The following TBX1 variants were observed in gnomAD, a reference collection of about 807,000 sequenced individuals.
TBX1 encodes T-box transcription factor TBX1.
Under a neutral mutation model 40.8 loss-of-function variants are expected in TBX1, and 16 were observed. The ratio of observed to expected loss-of-function variants is 0.39; its 90% confidence interval spans 0.27 to 0.60. The LOEUF (loss-of-function observed/expected upper bound fraction) is 0.60, where lower values mean the gene tolerates loss of function less well. Among genes scored for constraint, TBX1 ranks in the 20% least tolerant of loss-of-function variants. TBX1 has a pLI of 0.51. For synonymous variants in TBX1, 403 were observed against 336.8 expected (o/e 1.20, Z -2.15); for missense variants, 755 against 728.5 (o/e 1.04, Z -0.42).
downstream of TBX1, among the ~76,000 whole-genome samples, chr22:19,780,999 G>A (rs940924207): frequency 6.6e-6 from 1 of 151,960 alleles, no homozygotes; most frequent in Admixed American, 6.6e-5. Context: ...AGCCAGGATG[G>A]TCTCGATCTC....
chr22:19,757,532 A>G (rs1265732711), upstream of TBX1, among the ~76,000 whole-genome samples: 1 of 152,194 alleles, frequency 6.6e-6, no homozygotes, highest in African/African-American at 2.4e-5. Flanking sequence ...AAGCTTGGGC[A>G]TACCCTCAGG....
At chr22:19,759,702 C>T, upstream of TBX1, 1 of 1,610,924 alleles carries the variant, frequency 6.2e-7, no homozygotes, top group South Asian at 1.1e-5. Context: ...CGTGTCTACA[C>T]TGGCCCGCCC....
chr22:19,759,066 G>A (rs537689236), upstream of TBX1, among the ~76,000 whole-genome samples: 1 of 152,114 alleles, frequency 6.6e-6, no homozygotes, highest in Non-Finnish European at 1.5e-5. Context: ...GCAGCCACTC[G>A]CTGCTTCATG....
downstream of TBX1, among the ~76,000 whole-genome samples, chr22:19,769,633 C>T (rs759020981): frequency 5.3e-5 from 8 of 152,246 alleles, no homozygotes; most frequent in Non-Finnish European, 7.3e-5. Context: ...CAGCCACTAC[C>T]GTTCCTGTGG....
rs2145839048 is a variant in TBX1 at position 19,766,694 on chromosome 22, C to T, written c.1342C>T (p.Pro448Ser). The change falls in exon 7 of 7, where the codon CCC becomes TCC. Residue 448 changes from proline to serine, a missense_variant. Physicochemically the swap from Pro to Ser is moderately conservative, Grantham distance 74. Coordinates refer to ENST00000649276, the MANE Select transcript of TBX1 (RefSeq NM_001379200.1). ...GAGCCGGCCGGCGCCCTACCCGCTG[C>T]CCGGCCTGCGTGGCCACGGCTACCA... is the stretch of plus-strand genomic sequence containing the variant. ...AKSRPAPYPLPGLRGHGYHPH... is the reference protein window; with the variant it reads ...AKSRPAPYPLSGLRGHGYHPH... The T allele has an allele frequency of 6.5e-7, 1 of 1,548,090 alleles. No homozygotes were observed. Among genetic ancestry groups the T allele is most frequent in the Admixed American group, 1.8e-5 (1 of 55,092 alleles).
rs772860144 is a variant in TBX1, at chr22:19,766,681, G to A, written c.1329G>A (p.Ala443=). ...DHYLGAKSRP[A]PYPLPGLRGH... ...ATCTCGGGGCCAAGAGCCGGCCGGC[G>A]CCCTACCCGCTGCCCGGCCTGCGTG... Residue 443 remains alanine (A), a synonymous_variant, in exon 7 of 7, where the codon GCG becomes GCA. Coordinates refer to ENST00000649276, the MANE Select transcript of TBX1 (RefSeq NM_001379200.1). The A allele has an allele frequency of 1.8e-5, 28 of 1,547,994 alleles. No homozygotes were observed. The Admixed American group carries it at 4.7e-4, about 26-fold the overall frequency.
intron 1 of TBX1, among the ~76,000 whole-genome samples, 197 bp from the exon 2 acceptor site, chr22:19,763,044 G>A (rs1428357701): frequency 1.3e-5 from 2 of 152,180 alleles, no homozygotes; most frequent in East Asian, 1.9e-4. Context: ...CCCCTGCTGC[G>A]CCAAGCTCCC....
chr22:19,764,329 G>A lies in TBX1; in HGVS notation c.711+3G>A, dbSNP rs376779775. 1.2e-5 allele frequency: 20 copies of A among 1,610,558 alleles called. No individual in the cohort carries two copies. The African/African-American group carries it at 1.9e-4, about 15-fold the overall frequency. On this transcript the variant is annotated splice_donor_region_variant and intron_variant, in intron 3 of 6. Transcript: ENST00000649276. ...ACCTACTGGACGACAACGGCCACGTGAGCGACTGCCTCCCCAGGCTCCGGT... is the reference window on the plus strand; with the variant it reads ...ACCTACTGGACGACAACGGCCACGTAAGCGACTGCCTCCCCAGGCTCCGGT...
upstream of TBX1, among the ~76,000 whole-genome samples, chr22:19,758,236 C>T (rs552760185): frequency 3.9e-5 from 6 of 152,308 alleles, no homozygotes; most frequent in East Asian, 1.9e-4. Context: ...CATGCACAAG[C>T]GAAGGCTGCA....
chr22:19,761,192 G>T lies in TBX1; in HGVS notation c.349G>T (p.Ala117Ser), dbSNP rs375718057. The change falls in exon 1 of 7, where the codon GCC becomes TCC. Residue 117 changes from alanine to serine, a missense_variant. This residue lies in a region of TBX1 where 199 missense variants were observed against 173.0 expected (regional missense o/e 1.15). Coordinates refer to ENST00000649276, the MANE Select transcript of TBX1 (RefSeq NM_001379200.1). ...KAPVKKNAKV[A>S]GVSVQLEMKA... ...GCCGGTGAAGAAGAACGCGAAGGTG[G>T]CCGGTGTGAGCGTGCAGCTAGAGAT... 1 of 1,551,062 alleles carries T rather than the reference G, an allele frequency of 6.4e-7. No individual in the cohort carries two copies. The highest frequency in any genetic ancestry group is 8.7e-7 in the Non-Finnish European group (1 of 1,146,880).
chr22:19,763,464 C>A, intron 2 of TBX1, 122 bp downstream of exon 2: 1 of 838,498 alleles, frequency 1.2e-6, no homozygotes, highest in South Asian at 1.5e-5. Flanking sequence ...ACCTGCGATG[C>A]TGCCCGATCA....
chr22:19,766,197 C>G, intron 6 of TBX1, 192 bp from the exon 7 acceptor site: 1 of 898,010 alleles, frequency 1.1e-6, no homozygotes, highest in Non-Finnish European at 1.4e-6. Flanking sequence ...GCCGCCGCCG[C>G]CCGCAGAGGG....
Position 19,761,293 on chromosome 22 carries a change from C to A in TBX1, c.437+13C>A. 1 of 1,538,986 alleles carries A rather than the reference C, an allele frequency of 6.5e-7. No individual in the cohort carries two copies. The highest frequency in any genetic ancestry group is 8.8e-7 in the Non-Finnish European group (1 of 1,139,844). On this transcript the variant is annotated intron_variant, in intron 1 of 6. Coordinates refer to ENST00000649276, the MANE Select transcript of TBX1 (RefSeq NM_001379200.1). ...CCAAGGCCGGCAGGTCAGGGCGCCCCTCCCCACGCCGCGACCCTCCCCACG... is the reference window on the plus strand; with the variant it reads ...CCAAGGCCGGCAGGTCAGGGCGCCCATCCCCACGCCGCGACCCTCCCCACG...
upstream of TBX1, among the ~76,000 whole-genome samples, chr22:19,757,834 T>C (rs8137465): frequency 0.013 from 1,989 of 152,226 alleles, 28 homozygotes; most frequent in South Asian, 0.039. Context: ...CTGAGAGACA[T>C]AAGTCATTGT....
At chr22:19,760,102 AAGGAC>A (rs1422114842), upstream of TBX1, among the ~76,000 whole-genome samples, 1 of 152,184 alleles carries the variant, frequency 6.6e-6, no homozygotes, top group Admixed American at 6.5e-5. Flanking sequence ...GGAGAAACAG[AAGGAC>A]ACGAAAAGGC....
upstream of TBX1, among the ~76,000 whole-genome samples, chr22:19,757,111 C>T (rs1246736244): frequency 6.6e-6 from 1 of 152,096 alleles, no homozygotes; most frequent in Non-Finnish European, 1.5e-5. Flanking sequence ...CAACGGGGTC[C>T]GGGGGTCCGA....
At chr22:19,779,403 G>T (rs778348935) in exon 9 of TBX1, 2 of 1,614,198 alleles carry the variant, frequency 1.2e-6, no homozygotes, top group South Asian at 2.2e-5. Context: ...GACCGTCTTT[G>T]TTGAATGCTG....
chr22:19,770,524 G>A (rs759027846), downstream of TBX1, among the ~76,000 whole-genome samples: 13 of 152,238 alleles, frequency 8.5e-5, no homozygotes, highest in Non-Finnish European at 1.3e-4. Flanking sequence ...AGGAGCACGC[G>A]GGGGCTTGGC....
At position 19,765,111 on chromosome 22, in the gene TBX1, C is replaced by CGGGTGAG; in HGVS notation, c.867+1_867+7dup. On this transcript the variant is annotated frameshift_variant and splice_region_variant, in exon 4 of 7. Coordinates refer to ENST00000649276, the MANE Select transcript of TBX1 (RefSeq NM_001379200.1). LOFTEE classifies it high-confidence loss of function. ...CGCGGTCACTGCCTACCAGAACCAT[C>CGGGTGAG]GGGTGAGGGCCTGTGGGGAGGACCT... 1 of 1,614,154 alleles carries CGGGTGAG rather than the reference C, an allele frequency of 6.2e-7. No homozygotes were observed. Among genetic ancestry groups the CGGGTGAG allele is most frequent in the Non-Finnish European group, 8.5e-7 (1 of 1,180,020 alleles).
Sources: allele counts gnomAD v4.1 joint callset (sites outside exome capture counted in the v4.1 genomes callset), GRCh38; gene constraint gnomAD v4.1.1; regional missense constraint gnomAD v4.1.1; transcripts MANE v1.5; gene names NCBI Gene and HGNC (gene_info 2026-07-23, HGNC 2026-07-21).